GRIN2B: variants seen among roughly 807,000 people sequenced by gnomAD.
GRIN2B encodes glutamate receptor ionotropic, NMDA 2B.
GRIN2B carries 5 observed loss-of-function variants against 114.5 expected under a neutral mutation model. That is an observed-to-expected ratio of 0.04 (90% confidence interval 0.02 to 0.09). The LOEUF is 0.09. Ranked by LOEUF, GRIN2B falls within the 10% of genes least tolerant of loss-of-function variation. The pLI is 1.00. For missense variants in GRIN2B, 1,108 were observed against 1,943.5 expected, an observed-to-expected ratio of 0.57 and a Z score of 8.08; for synonymous variants, 787 against 745.1, an observed-to-expected ratio of 1.06 and a Z score of -0.92.
At chr12:13,693,382 T>C (rs1196999103) in intron 4 of GRIN2B, among the ~76,000 whole-genome samples, 2 of 152,184 alleles carry the variant, frequency 1.3e-5, no homozygotes, top group Non-Finnish European at 2.9e-5. Context: ...AATATCAAAA[T>C]ATGTATATAT....
intron 5 of GRIN2B, among the ~76,000 whole-genome samples, chr12:13,622,068 AT>A (rs897068693): frequency 6.6e-6 from 1 of 152,116 alleles, no homozygotes; most frequent in African/African-American, 2.4e-5. Flanking sequence ...CCTTGCATAG[AT>A]TAGCAAAGGA....
intron 3 of GRIN2B, among the ~76,000 whole-genome samples, chr12:13,836,170 C>T (rs1440772610): frequency 1.3e-5 from 2 of 152,202 alleles, no homozygotes; most frequent in Non-Finnish European, 2.9e-5. Context: ...CAGTACTCCT[C>T]ATCCTCTTTT....
chr12:13,914,367 G>C (rs1866675603), intron 2 of GRIN2B, among the ~76,000 whole-genome samples: 1 of 152,140 alleles, frequency 6.6e-6, no homozygotes. Flanking sequence ...ACAACACAAG[G>C]AGATATCGTC....
chr12:13,571,197 GCT>G (rs1948704107), intron 11 of GRIN2B, among the ~76,000 whole-genome samples: 2 of 152,132 alleles, frequency 1.3e-5, no homozygotes, highest in Admixed American at 6.5e-5. Context: ...CATCTATAAT[GCT>G]CTGTTATCCA....
intron 3 of GRIN2B, among the ~76,000 whole-genome samples, chr12:13,855,296 T>C (rs563915377): frequency 4.3e-4 from 65 of 152,212 alleles, no homozygotes; most frequent in Middle Eastern, 6.8e-3. Context: ...CACTATTTTA[T>C]AGATGAGGAA....
intron 3 of GRIN2B, among the ~76,000 whole-genome samples, chr12:13,800,004 G>T (rs549681239): frequency 2.6e-4 from 39 of 152,268 alleles, no homozygotes; most frequent in African/African-American, 7.7e-4. Flanking sequence ...CCATTCTTCA[G>T]TGTTGATGAA....
intron 10 of GRIN2B, among the ~76,000 whole-genome samples, chr12:13,574,881 C>T (rs190440650): frequency 3.9e-4 from 60 of 152,300 alleles, no homozygotes; most frequent in Admixed American, 1.8e-3. Flanking sequence ...CATTAGCGTA[C>T]AGTCAGATCA....
intron 5 of GRIN2B, among the ~76,000 whole-genome samples, chr12:13,644,646 T>A (rs918977088): frequency 6.6e-6 from 1 of 152,156 alleles, no homozygotes; most frequent in African/African-American, 2.4e-5. Flanking sequence ...TAGAAGGCTG[T>A]TTTATCTATA....
intron 3 of GRIN2B, among the ~76,000 whole-genome samples, chr12:13,784,286 T>C (rs187944559): frequency 6.8e-6 from 1 of 147,456 alleles, no homozygotes; most frequent in Admixed American, 6.8e-5. Context: ...GCTATCTATG[T>C]AGGTGTCTGT....
At chr12:13,718,274 G>A (rs1311598314) in intron 4 of GRIN2B, among the ~76,000 whole-genome samples, 1 of 152,030 alleles carries the variant, frequency 6.6e-6, no homozygotes, top group African/African-American at 2.4e-5. Flanking sequence ...CCACATACAT[G>A]CTGCTCCTCT....
intron 5 of GRIN2B, among the ~76,000 whole-genome samples, chr12:13,675,127 C>T (rs1006339659): frequency 3.3e-5 from 5 of 152,072 alleles, no homozygotes; most frequent in African/African-American, 9.7e-5. Context: ...ATCCTTATAC[C>T]TGTTGGTACT....
intron 2 of GRIN2B, among the ~76,000 whole-genome samples, chr12:13,898,959 C>T (rs1267699113): frequency 6.6e-6 from 1 of 152,206 alleles, no homozygotes; most frequent in Non-Finnish European, 1.5e-5. Context: ...ATTACAACTA[C>T]TACCACTACC....
Position 13,615,544 on chromosome 12 carries a change from A to G in GRIN2B, c.1449T>C (p.Asn483=). The G allele has an allele frequency of 2.5e-6, 4 of 1,613,830 alleles. No individual in the cohort carries two copies. The highest frequency in any genetic ancestry group is 1.1e-5 in the South Asian group (1 of 91,062). ...KFTYDLYLVT[N]GKHGKKINGT... is the part of the protein sequence containing the mutation. The stretch of plus-strand genomic sequence containing the variant: ...CATTGATTTTCTTCCCATGCTTGCC[A>G]TTGGTAACCAGGTAAAGGTCATAGG... Residue 483 remains asparagine (N), a synonymous_variant, in exon 7 of 14, where the codon AAT becomes AAC. Transcript: ENST00000609686. This position sits in a 1 kb window ranked among gnomAD's most constrained non-coding sequence, Gnocchi z 5.8.
intron 2 of GRIN2B, among the ~76,000 whole-genome samples, chr12:13,909,581 G>A (rs1866597815): frequency 2.0e-5 from 3 of 152,182 alleles, no homozygotes; most frequent in Admixed American, 2.0e-4. Context: ...CACATGGTCT[G>A]GTGCCCAGCA....
At chr12:13,732,548 C>T (rs1863101965) in intron 4 of GRIN2B, among the ~76,000 whole-genome samples, 1 of 152,172 alleles carries the variant, frequency 6.6e-6, no homozygotes, top group African/African-American at 2.4e-5. Context: ...AGACAATATC[C>T]CTCTACTATA....
intron 10 of GRIN2B, among the ~76,000 whole-genome samples, chr12:13,589,109 C>T (rs1056892189): frequency 3.3e-5 from 5 of 152,144 alleles, no homozygotes; most frequent in Non-Finnish European, 5.9e-5. Context: ...ACATTTAACT[C>T]GGTGTCCTGT....
intron 2 of GRIN2B, among the ~76,000 whole-genome samples, chr12:13,959,423 C>T (rs566687625): frequency 4.6e-5 from 7 of 152,208 alleles, no homozygotes; most frequent in Admixed American, 2.0e-4. Context: ...TGGAGAGCCA[C>T]CGTGGATTGG....
In GRIN2B at chr12:13,561,988, T is replaced by C. The variant is rs1948551075; in HGVS notation, c.*795A>G. The C allele has an allele frequency of 6.6e-6, 1 of 152,292 alleles. No individual in the cohort carries two copies. Among genetic ancestry groups the C allele is most frequent in the African/African-American group, 2.4e-5 (1 of 41,338 alleles). 9.4% of individuals were successfully genotyped at this position (152,292 alleles called of 1,614,324 possible). A position where few individuals can be genotyped will look rare whatever the true frequency, so the allele number is the denominator to read the frequency against. ...ATATTGAAAGAAACAATAGAAAGAG[T>C]CAAGGTTGCCTTCTCTTGAGGCACC... On this transcript the variant is annotated 3_prime_UTR_variant, in exon 14 of 14. Transcript: ENST00000609686.
intron 4 of GRIN2B, among the ~76,000 whole-genome samples, chr12:13,677,945 C>A (rs1231617011): frequency 2.0e-5 from 3 of 152,068 alleles, no homozygotes; most frequent in African/African-American, 7.2e-5. Flanking sequence ...AAAACAAGCA[C>A]AAGGAGGTTA....
Sources: gnomAD v4.1 joint callset for allele counts (sites outside exome capture counted in the v4.1 genomes callset) on GRCh38, gnomAD v4.1.1 for gene constraint, Gnocchi (gnomAD v3.1) non-coding constraint, MANE v1.5 for transcripts, NCBI Gene and HGNC (gene_info 2026-07-23, HGNC 2026-07-21) for gene names.